Variants in FOXN3 observed in about 807,000 individuals in gnomAD.
FOXN3 encodes the protein forkhead box protein N3.
A neutral mutation model predicts 38.4 loss-of-function variants in FOXN3; 7 were observed. The ratio of observed to expected loss-of-function variants is 0.18; its 90% CI spans 0.10 to 0.34. The LOEUF (loss-of-function observed/expected upper bound fraction) is 0.34. FOXN3 is among the 10% of genes least tolerant of loss of function. The pLI, the probability that FOXN3 is intolerant of heterozygous loss-of-function variation, is 1.00. For missense variants in FOXN3, 456 were observed against 613.4 expected, an observed-to-expected ratio of 0.74 and a Z score of 2.71; for synonymous variants, 230 against 242.2, an observed-to-expected ratio of 0.95 and a Z score of 0.47.
upstream of FOXN3, among the ~76,000 whole-genome samples, chr14:89,421,133 TTTTC>T (rs200710556): frequency 0.074 from 10,405 of 141,390 alleles, 450 homozygotes; most frequent in East Asian, 0.28. Flanking sequence ...CTTGTCCATA[TTTTC>T]TTTCTTTCTT....
intron 2 of FOXN3, among the ~76,000 whole-genome samples, chr14:89,382,207 G>A (rs1214929345): frequency 6.6e-6 from 1 of 152,024 alleles, no homozygotes. Flanking sequence ...TTCTACCTCT[G>A]TGACAGTAGG....
chr14:89,440,340 C>G (rs1892355548), intron 1 of FOXN3, among the ~76,000 whole-genome samples: 1 of 152,162 alleles, frequency 6.6e-6, no homozygotes, highest in African/African-American at 2.4e-5. Flanking sequence ...ACGCATGGAG[C>G]AGAGAGACCC....
At chr14:89,375,660 A>C (rs961581660) in intron 2 of FOXN3, among the ~76,000 whole-genome samples, 1 of 152,246 alleles carries the variant, frequency 6.6e-6, no homozygotes, top group Non-Finnish European at 1.5e-5. Context: ...TTGCTAAGAA[A>C]AAACTCAGTA....
At chr14:89,488,493 A>G (rs1893499127) in intron 1 of FOXN3, among the ~76,000 whole-genome samples, 1 of 152,052 alleles carries the variant, frequency 6.6e-6, no homozygotes, top group Admixed American at 6.6e-5. Context: ...AAAAAATACA[A>G]AACAAAACAA....
chr14:89,371,364 G>A (rs1890315200), intron 2 of FOXN3, among the ~76,000 whole-genome samples: 1 of 151,970 alleles, frequency 6.6e-6, no homozygotes. Flanking sequence ...GAAGAGTCTG[G>A]GGTTCTGTTT....
Position 89,317,916 on chromosome 14 carries a change from C to T in FOXN3, c.680+32756G>A, listed in dbSNP as rs566493029. On this transcript the variant is annotated intron_variant, in intron 3 of 5. Coordinates refer to ENST00000557258, the MANE Select transcript of FOXN3 (RefSeq NM_005197.4). ...CTGCACATGTGAGGGATCTAGGATG[C>T]GCGCTCCTTATGGGAATCTAACTAA... Among the ~76,000 whole-genome samples, 6 of 149,156 alleles carry T rather than the reference C, an allele frequency of 4.0e-5. No individual in the cohort carries two copies. In the South Asian group the frequency reaches 6.6e-4, roughly 16 times the overall value.
At chr14:89,577,907 C>T (rs1895667670) in intron 1 of FOXN3, among the ~76,000 whole-genome samples, 1 of 152,190 alleles carries the variant, frequency 6.6e-6, no homozygotes, top group Non-Finnish European at 1.5e-5. Context: ...TGTTAGATGT[C>T]AGGACTCTAT....
chr14:89,469,959 G>A (rs1223944068), intron 1 of FOXN3, among the ~76,000 whole-genome samples: 1 of 152,248 alleles, frequency 6.6e-6, no homozygotes, highest in Non-Finnish European at 1.5e-5. Context: ...ACCAGCTTCA[G>A]TCATGCAGGC....
At chr14:89,409,679 C>G (rs776204157) in intron 2 of FOXN3, among the ~76,000 whole-genome samples, 1 of 152,160 alleles carries the variant, frequency 6.6e-6, no homozygotes, top group Non-Finnish European at 1.5e-5. Flanking sequence ...CGTTCTCAGT[C>G]TGGAATTGCT....
intron 1 of FOXN3, among the ~76,000 whole-genome samples, chr14:89,594,633 CGTT>C (rs1361614543): frequency 6.6e-6 from 1 of 152,086 alleles, no homozygotes; most frequent in East Asian, 1.9e-4. Context: ...AAATTATAGA[CGTT>C]GTAAATATCT....
chr14:89,569,086 TC>T (rs573100417), intron 1 of FOXN3, among the ~76,000 whole-genome samples: 1,749 of 152,204 alleles, frequency 0.011, 30 homozygotes, highest in African/African-American at 0.04. Context: ...GTGCCTATAG[TC>T]CCAGCTACTC....
chr14:89,525,832 C>T (rs945818471), intron 1 of FOXN3, among the ~76,000 whole-genome samples: 1 of 151,952 alleles, frequency 6.6e-6, no homozygotes, highest in East Asian at 1.9e-4. Context: ...AACTAAAAAC[C>T]AATATCTCTC....
chr14:89,478,346 C>T (rs907077136), intron 1 of FOXN3, among the ~76,000 whole-genome samples: 1 of 152,166 alleles, frequency 6.6e-6, no homozygotes, highest in Non-Finnish European at 1.5e-5. Context: ...TACCCAGTCT[C>T]AGGTGTTTCT....
At chr14:89,183,586 G>A (rs891550300) in intron 4 of FOXN3, among the ~76,000 whole-genome samples, 5 of 152,158 alleles carry the variant, frequency 3.3e-5, no homozygotes, top group Non-Finnish European at 7.3e-5. Context: ...GGGTATTTGG[G>A]AAGGCTTCCT....
intron 1 of FOXN3, among the ~76,000 whole-genome samples, chr14:89,446,341 A>G (rs2139703902): frequency 6.6e-6 from 1 of 151,754 alleles, no homozygotes; most frequent in South Asian, 2.1e-4. Flanking sequence ...GGCATGCGCC[A>G]CCACGCTCGG....
chr14:89,204,719 AT>A (rs1290355135), intron 4 of FOXN3, among the ~76,000 whole-genome samples: 13 of 152,204 alleles, frequency 8.5e-5, no homozygotes, highest in Non-Finnish European at 1.2e-4. Context: ...TGAGAAGGCT[AT>A]GATAATATAA....
chr14:89,470,311 A>C (rs1225767380), intron 1 of FOXN3, among the ~76,000 whole-genome samples: 1 of 150,248 alleles, frequency 6.7e-6, no homozygotes, highest in Non-Finnish European at 1.5e-5. Context: ...AAAAAAAAGC[A>C]TTAAATGCAG....
At chr14:89,360,817 CCACCACCTCCACCACTACCACCTCCAG>C (rs1889518705) in intron 2 of FOXN3, among the ~76,000 whole-genome samples, 1 of 67,286 alleles carries the variant, frequency 1.5e-5, no homozygotes, top group African/African-American at 7.7e-5. Context: ...ACCACCTCCA[CCACCACCTCCACCACTACCACCTCCAG>C]CACCACCTCC....
chr14:89,461,247 G>A (rs755604309), intron 1 of FOXN3, among the ~76,000 whole-genome samples: 1 of 151,642 alleles, frequency 6.6e-6, no homozygotes, highest in African/African-American at 2.4e-5. Context: ...TGAGGCAGGA[G>A]AATCGCTTGA....
Sources: allele counts gnomAD v4.1 joint callset (sites outside exome capture counted in the v4.1 genomes callset), GRCh38; gene constraint gnomAD v4.1.1; transcripts MANE v1.5; gene names NCBI Gene and HGNC (gene_info 2026-07-23, HGNC 2026-07-21).